ANO10: variants seen among roughly 807,000 people sequenced by gnomAD.
The protein encoded by ANO10 is anoctamin 10.
A neutral mutation model predicts 74.7 loss-of-function variants in ANO10; 77 were observed. The observed-to-expected ratio is 1.03, with a 90% CI of 0.86 to 1.25. The LOEUF (loss-of-function observed/expected upper bound fraction) is 1.25. Among genes scored for constraint, ANO10 ranks in the 50% most tolerant of loss-of-function variants. The probability of loss-of-function intolerance (pLI) is 0.00; values close to 1 mark genes in which losing one functional copy is unlikely to be tolerated. For missense variants in ANO10, 721 were observed against 778.1 expected (o/e 0.93, Z 0.87); for synonymous variants, 279 against 284.9 (o/e 0.98, Z 0.21).
At position 43,597,600 on chromosome 3, in the gene ANO10, C is replaced by T. The variant is rs190735017; in HGVS notation, c.472+932G>A. Among the ~76,000 whole-genome samples the T allele has an allele frequency of 1.4e-3, 211 of 150,870 alleles. 1 individual carries two copies. The highest frequency in any genetic ancestry group is 0.011 in the East Asian group (58 of 5,086). On this transcript the variant is annotated intron_variant, in intron 4 of 12. Transcript: ENST00000292246. ...ACACAGGAAGAGGAACATCACACAC[C>T]GGGGCCTGTTGTAGGGTGGGGGCAT...
At chr3:43,502,918 G>A (rs2077151358) in intron 11 of ANO10, among the ~76,000 whole-genome samples, 1 of 152,176 alleles carries the variant, frequency 6.6e-6, no homozygotes, top group South Asian at 2.1e-4. Flanking sequence ...GCTGTTTCCA[G>A]GAGCTAGGTG....
chr3:43,691,305 G>A (rs937891580), intron 1 of ANO10: 9 of 337,528 alleles, frequency 2.7e-5, no homozygotes, highest in African/African-American at 4.3e-5. Flanking sequence ...GACCCCGCGC[G>A]GAGGGTCCGC....
chr3:43,503,854 T>G (rs1242780220), intron 11 of ANO10, among the ~76,000 whole-genome samples: 1 of 152,190 alleles, frequency 6.6e-6, no homozygotes, highest in Non-Finnish European at 1.5e-5. Context: ...ATCAGGTGAT[T>G]TTTATGATTT....
At chr3:43,466,864 CAATT>C (rs2149042931) in intron 11 of ANO10, among the ~76,000 whole-genome samples, 1 of 152,180 alleles carries the variant, frequency 6.6e-6, no homozygotes, top group South Asian at 2.1e-4. Flanking sequence ...TTATATTTGA[CAATT>C]AACTTGTGTA....
At chr3:43,611,374 T>C (rs1366938418) in intron 1 of ANO10, among the ~76,000 whole-genome samples, 2 of 152,210 alleles carry the variant, frequency 1.3e-5, no homozygotes, top group Non-Finnish European at 2.9e-5. Flanking sequence ...GCCTATTACA[T>C]ATGTCAGGAT....
At chr3:43,663,324 TCAA>T (rs2083948722) in intron 1 of ANO10, among the ~76,000 whole-genome samples, 1 of 152,122 alleles carries the variant, frequency 6.6e-6, no homozygotes, top group African/African-American at 2.4e-5. Flanking sequence ...GAAAAGGCCT[TCAA>T]CAAAATTCAA....
chr3:43,651,222 T>G (rs547827339), intron 1 of ANO10, among the ~76,000 whole-genome samples: 1 of 152,144 alleles, frequency 6.6e-6, no homozygotes, highest in South Asian at 2.1e-4. Context: ...TACAAATAAT[T>G]AATAAATATC....
chr3:43,491,509 A>T (rs772101806), intron 11 of ANO10, among the ~76,000 whole-genome samples: 11 of 152,068 alleles, frequency 7.2e-5, no homozygotes, highest in Admixed American at 6.6e-5. Flanking sequence ...GTAAAACTCC[A>T]TCTCCAAGAA....
chr3:43,565,369 A>C (rs1424924028), intron 8 of ANO10, among the ~76,000 whole-genome samples: 2 of 152,186 alleles, frequency 1.3e-5, no homozygotes, highest in Non-Finnish European at 2.9e-5. Flanking sequence ...AATGAATACT[A>C]TATTTTTGCT....
upstream of ANO10, among the ~76,000 whole-genome samples, chr3:43,624,129 C>G (rs1157161802): frequency 6.6e-6 from 1 of 152,174 alleles, no homozygotes; most frequent in Non-Finnish European, 1.5e-5. Context: ...AATTGTTGGA[C>G]AGCATAAATG....
chr3:43,687,977 G>A (rs1483199492), intron 1 of ANO10, among the ~76,000 whole-genome samples: 1 of 152,168 alleles, frequency 6.6e-6, no homozygotes, highest in Non-Finnish European at 1.5e-5. Flanking sequence ...GGGATAGGTG[G>A]ATGGCCAATT....
At chr3:43,415,421 C>T (rs550231770) in intron 12 of ANO10, among the ~76,000 whole-genome samples, 31 of 152,278 alleles carry the variant, frequency 2.0e-4, no homozygotes, top group African/African-American at 7.5e-4. Context: ...ACACAAAACA[C>T]CCACCCTGCT....
intron 1 of ANO10, among the ~76,000 whole-genome samples, chr3:43,634,433 A>T (rs2083585003): frequency 6.6e-6 from 1 of 152,204 alleles, no homozygotes; most frequent in Non-Finnish European, 1.5e-5. Context: ...AGAGTAAACA[A>T]GCTTATTTTA....
chr3:43,512,967 T>C (rs143018918), intron 11 of ANO10, among the ~76,000 whole-genome samples: 19 of 152,288 alleles, frequency 1.2e-4, no homozygotes, highest in African/African-American at 4.3e-4. Flanking sequence ...CACAGCAGAC[T>C]TTCTGAGTCA....
chr3:43,468,714 CTTTT>C (rs202046317), intron 11 of ANO10, among the ~76,000 whole-genome samples: 1 of 141,408 alleles, frequency 7.1e-6, no homozygotes, highest in Admixed American at 7.1e-5. Context: ...TTTTTGTTTT[CTTTT>C]TTTTTTTTTT....
intron 11 of ANO10, among the ~76,000 whole-genome samples, chr3:43,434,858 C>A (rs1317303809): frequency 2.6e-5 from 4 of 152,148 alleles, no homozygotes; most frequent in Non-Finnish European, 5.9e-5. Context: ...ATTGATTAGA[C>A]AATATTAATC....
chr3:43,519,664 T>A (rs1186310688), intron 11 of ANO10, among the ~76,000 whole-genome samples: 5 of 152,194 alleles, frequency 3.3e-5, no homozygotes, highest in Admixed American at 1.3e-4. Context: ...ACATCAAGTA[T>A]GAGAACCATG....
chr3:43,648,802 G>A (rs1470369773), intron 1 of ANO10, among the ~76,000 whole-genome samples: 1 of 150,884 alleles, frequency 6.6e-6, no homozygotes, highest in African/African-American at 2.4e-5. Flanking sequence ...TCAGCCTCCC[G>A]AGTAGCTGGA....
At chr3:43,373,234 C>G (rs73831285) in intron 12 of ANO10, among the ~76,000 whole-genome samples, 3,908 of 151,686 alleles carry the variant, frequency 0.026, 172 homozygotes, top group African/African-American at 0.087. Context: ...GAGTGACGGG[C>G]GAGTGTGACA....
Sources: gnomAD v4.1 joint callset for allele counts (sites outside exome capture counted in the v4.1 genomes callset) on GRCh38, gnomAD v4.1.1 for gene constraint, MANE v1.5 for transcripts, NCBI Gene and HGNC (gene_info 2026-07-23, HGNC 2026-07-21) for gene names.